GLIS3: variants seen among roughly 807,000 people sequenced by gnomAD.
GLIS3 encodes GLIS family zinc finger 3, also known as zinc finger protein GLIS3.
A neutral mutation model predicts 78.6 loss-of-function variants in GLIS3; 53 were observed. The observed-to-expected ratio is 0.67, with a 90% confidence interval of 0.54 to 0.85. The LOEUF is 0.85. GLIS3 is among the 40% of genes least tolerant of loss of function. The pLI is 0.00. For synonymous variants in GLIS3, 684 were observed against 509.9 expected (o/e 1.34, Z -4.60); for missense variants, 1,703 against 1,231.1 (o/e 1.38, Z -5.74).
intron 1 of GLIS3, among the ~76,000 whole-genome samples, chr9:4,297,632 C>T (rs961061746): frequency 1.3e-5 from 2 of 152,206 alleles, no homozygotes; most frequent in Non-Finnish European, 2.9e-5. Context: ...TCCACGAGTC[C>T]TGTCTCTACG....
At chr9:3,941,528 C>T (rs961026272) in intron 4 of GLIS3, among the ~76,000 whole-genome samples, 1 of 152,148 alleles carries the variant, frequency 6.6e-6, no homozygotes. Flanking sequence ...CCCACAAGTT[C>T]CCTCGGTGGC....
intron 7 of GLIS3, among the ~76,000 whole-genome samples, chr9:3,895,924 T>G (rs1203684351): frequency 6.6e-6 from 1 of 152,224 alleles, no homozygotes; most frequent in Non-Finnish European, 1.5e-5. Flanking sequence ...TTGTGATAAA[T>G]TAATTTACTA....
At chr9:3,900,661 A>G (rs1310351368) in intron 6 of GLIS3, among the ~76,000 whole-genome samples, 1 of 152,242 alleles carries the variant, frequency 6.6e-6, no homozygotes, top group Non-Finnish European at 1.5e-5. Flanking sequence ...TGAACATAAA[A>G]GCAAAACTCA....
chr9:4,397,268 G>A, the GLIS3 span, among the ~76,000 whole-genome samples: 1,381 of 148,920 alleles, frequency 9.3e-3, 29 homozygotes, highest in African/African-American at 0.033. Flanking sequence ...CTCGTGATCC[G>A]CCCGCCTCGG....
chr9:3,877,364 A>G (rs1821386445), intron 8 of GLIS3, among the ~76,000 whole-genome samples: 1 of 152,232 alleles, frequency 6.6e-6, no homozygotes, highest in Non-Finnish European at 1.5e-5. Context: ...TTGCTGACAG[A>G]TCTTGTGGGA....
At chr9:3,979,709 T>C (rs1044176354) in intron 4 of GLIS3, among the ~76,000 whole-genome samples, 2 of 152,202 alleles carry the variant, frequency 1.3e-5, no homozygotes, top group African/African-American at 4.8e-5. Context: ...TCCCCAACAC[T>C]AGACTATCAC....
chr9:3,974,487 G>A lies in GLIS3; in HGVS notation c.1711-37298C>T, dbSNP rs575204136. Among the ~76,000 whole-genome samples the A allele has an allele frequency of 1.6e-3, 250 of 152,270 alleles. 4 individuals are homozygous for A. In the South Asian group the frequency reaches 0.021, roughly 13 times the overall value. The stretch of plus-strand genomic sequence containing the variant: ...ATCTCTATTGCTTAGTGCTTTTAAT[G>A]CAATTGGGGAACTGACTGGGAGCAG... On this transcript the variant is annotated intron_variant, in intron 4 of 10. Transcript: ENST00000381971.
At chr9:3,867,742 TGTGTGTGTGTGTGA>T (rs1161317321) in intron 8 of GLIS3, among the ~76,000 whole-genome samples, 5 of 151,126 alleles carry the variant, frequency 3.3e-5, no homozygotes, top group African/African-American at 1.2e-4. Flanking sequence ...TGCGTGTGTG[TGTGTGTGTGTGTGA>T]GTGCATGTGT....
intron 2 of GLIS3, among the ~76,000 whole-genome samples, chr9:4,202,057 G>A (rs1819443863): frequency 6.6e-6 from 1 of 151,988 alleles, no homozygotes; most frequent in South Asian, 2.1e-4. Context: ...AAAACTGCTT[G>A]AACCCGGGAG....
intron 4 of GLIS3, among the ~76,000 whole-genome samples, chr9:3,962,013 T>C (rs1817589559): frequency 6.6e-6 from 1 of 152,070 alleles, no homozygotes; most frequent in African/African-American, 2.4e-5. Flanking sequence ...GAAAACACCC[T>C]GGGCAAAATA....
the GLIS3 span, among the ~76,000 whole-genome samples, chr9:4,374,323 C>T: frequency 6.6e-6 from 1 of 152,200 alleles, no homozygotes; most frequent in Non-Finnish European, 1.5e-5. Flanking sequence ...TCTATCCCTG[C>T]AAAGGAAAAA....
At chr9:4,015,797 G>A (rs1479480481) in intron 4 of GLIS3, among the ~76,000 whole-genome samples, 1 of 148,802 alleles carries the variant, frequency 6.7e-6, no homozygotes, top group African/African-American at 2.5e-5. Flanking sequence ...GCTGAGGCAG[G>A]AGAACTGCTT....
At chr9:4,455,249 A>G in the GLIS3 span, among the ~76,000 whole-genome samples, 2 of 152,240 alleles carry the variant, frequency 1.3e-5, no homozygotes, top group Admixed American at 6.5e-5. Flanking sequence ...CATGGCTAGC[A>G]TGAGATTGCC....
At chr9:3,925,068 C>T (rs1825130478) in intron 6 of GLIS3, among the ~76,000 whole-genome samples, 1 of 152,168 alleles carries the variant, frequency 6.6e-6, no homozygotes, top group Non-Finnish European at 1.5e-5. Context: ...TTTTGGTCCC[C>T]ATTACCAATT....
chr9:4,439,219 T>C, the GLIS3 span, among the ~76,000 whole-genome samples: 3 of 152,212 alleles, frequency 2.0e-5, no homozygotes, highest in Non-Finnish European at 4.4e-5. Flanking sequence ...ATTTTTTCTA[T>C]TTTCCAAGAT....
chr9:4,317,430 G>C (rs913212596), intron 2 of GLIS3, among the ~76,000 whole-genome samples: 3 of 152,164 alleles, frequency 2.0e-5, no homozygotes, highest in Admixed American at 6.5e-5. Flanking sequence ...AGCCACACTT[G>C]AGAACCACTG....
intron 6 of GLIS3, among the ~76,000 whole-genome samples, chr9:3,912,074 A>G (rs935080354): frequency 1.3e-5 from 2 of 152,148 alleles, no homozygotes; most frequent in South Asian, 4.1e-4. Flanking sequence ...TGGTAAGATA[A>G]CCTCTCAAGA....
chr9:4,153,195 T>C (rs1019185986), intron 2 of GLIS3, among the ~76,000 whole-genome samples: 2 of 152,248 alleles, frequency 1.3e-5, no homozygotes, highest in African/African-American at 2.4e-5. Flanking sequence ...CTAATGGGCC[T>C]TTCCTTATTC....
chr9:4,276,910 G>A (rs1056280857), intron 2 of GLIS3, among the ~76,000 whole-genome samples: 6 of 152,106 alleles, frequency 3.9e-5, no homozygotes, highest in Non-Finnish European at 8.8e-5. Context: ...AATGTCTTTG[G>A]TCTCTGGCTG....
Sources: gnomAD v4.1 joint callset for allele counts (sites outside exome capture counted in the v4.1 genomes callset) on GRCh38, gnomAD v4.1.1 for gene constraint, MANE v1.5 for transcripts, NCBI Gene and HGNC (gene_info 2026-07-23, HGNC 2026-07-21) for gene names.